The following BMPR2 variants were observed in gnomAD, a reference collection of about 807,000 sequenced individuals.
The protein encoded by BMPR2 is bone morphogenetic protein receptor type 2, also known as bone morphogenetic protein receptor type-2.
BMPR2 carries 29 observed loss-of-function variants against 100.8 expected under a neutral mutation model. The ratio of observed to expected loss-of-function variants is 0.29; its 90% CI spans 0.21 to 0.39. The LOEUF is 0.39. BMPR2 is among the 10% of genes least tolerant of loss of function. The pLI, the probability that BMPR2 is intolerant of heterozygous loss-of-function variation, is 1.00. For missense variants in BMPR2, 1,011 were observed against 1,274.5 expected (o/e 0.79, Z 3.15); for synonymous variants, 382 against 442.3 (o/e 0.86, Z 1.71).
At chr2:202,441,989 C>T (rs955666486) in intron 1 of BMPR2, among the ~76,000 whole-genome samples, 3 of 149,566 alleles carry the variant, frequency 2.0e-5, no homozygotes, top group Non-Finnish European at 4.4e-5. Context: ...GCCGAGATCA[C>T]GCCATTGCAC....
intron 1 of BMPR2, among the ~76,000 whole-genome samples, chr2:202,426,602 C>T (rs532604491): frequency 1.4e-5 from 2 of 144,612 alleles, no homozygotes; most frequent in Admixed American, 1.4e-4. Flanking sequence ...TAAATTTTGG[C>T]TGGGTGTGGT....
intron 1 of BMPR2, among the ~76,000 whole-genome samples, chr2:202,435,496 G>A (rs1691599236): frequency 6.8e-6 from 1 of 146,850 alleles, no homozygotes; most frequent in Admixed American, 6.8e-5. Context: ...TAAACCACAG[G>A]TTAAAAAGTT....
intron 1 of BMPR2, among the ~76,000 whole-genome samples, chr2:202,408,125 G>A (rs1272914603): frequency 6.6e-6 from 1 of 152,130 alleles, no homozygotes; most frequent in African/African-American, 2.4e-5. Context: ...GAGCCACCGT[G>A]CCTGGGCTTT....
At chr2:202,478,274 G>A (rs952124038) in intron 3 of BMPR2, among the ~76,000 whole-genome samples, 1 of 152,152 alleles carries the variant, frequency 6.6e-6, no homozygotes, top group Non-Finnish European at 1.5e-5. Context: ...GGAGAAATAC[G>A]TGTGTGAGGT....
At chr2:202,504,541 C>T (rs1299102563) in intron 3 of BMPR2, among the ~76,000 whole-genome samples, 1 of 152,152 alleles carries the variant, frequency 6.6e-6, no homozygotes, top group East Asian at 1.9e-4. Flanking sequence ...ACCTGAAGAG[C>T]TGTAACACTC....
intron 10 of BMPR2, among the ~76,000 whole-genome samples, chr2:202,542,953 G>A (rs988677436): frequency 2.0e-5 from 3 of 151,834 alleles, no homozygotes; most frequent in African/African-American, 2.4e-5. Flanking sequence ...GAGGCGGGCA[G>A]ATTGCCTGAG....
At chr2:202,469,140 C>T (rs1002158031) in intron 3 of BMPR2, among the ~76,000 whole-genome samples, 5 of 152,154 alleles carry the variant, frequency 3.3e-5, no homozygotes, top group African/African-American at 1.2e-4. Context: ...AAGCGATTCT[C>T]CTGCCTCAGC....
At chr2:202,496,472 G>T (rs1693029713) in intron 3 of BMPR2, among the ~76,000 whole-genome samples, 1 of 151,676 alleles carries the variant, frequency 6.6e-6, no homozygotes, top group South Asian at 2.1e-4. Context: ...GTGAGACCCT[G>T]TCTCAAAAAC....
intron 3 of BMPR2, among the ~76,000 whole-genome samples, chr2:202,469,006 G>A (rs960811420): frequency 1.5e-4 from 23 of 151,654 alleles, no homozygotes; most frequent in African/African-American, 5.3e-4. Context: ...CTTTTTTTTT[G>A]GTTTTTGTTT....
intron 1 of BMPR2, among the ~76,000 whole-genome samples, chr2:202,427,991 C>CAA (rs541122801): frequency 2.6e-3 from 395 of 151,816 alleles, no homozygotes; most frequent in Non-Finnish European, 4.5e-3. Flanking sequence ...CAAAAATAAA[C>CAA]AAACAAACAA....
chr2:202,476,418 G>C (rs1692553440), intron 3 of BMPR2, among the ~76,000 whole-genome samples: 1 of 152,136 alleles, frequency 6.6e-6, no homozygotes, highest in Non-Finnish European at 1.5e-5. Flanking sequence ...TAGAGTCATA[G>C]ATACATGGAA....
At chr2:202,535,765 A>T (rs1449066145) in intron 9 of BMPR2, among the ~76,000 whole-genome samples, 3 of 152,148 alleles carry the variant, frequency 2.0e-5, no homozygotes, top group African/African-American at 7.2e-5. Flanking sequence ...GCGAGCCGAG[A>T]TCACGCCACT....
At chr2:202,470,622 G>A (rs1369986483) in intron 3 of BMPR2, among the ~76,000 whole-genome samples, 1 of 151,718 alleles carries the variant, frequency 6.6e-6, no homozygotes, top group African/African-American at 2.4e-5. Flanking sequence ...AAATTAGCCG[G>A]GCGCGGTGGC....
rs547193217 is a variant in BMPR2 at position 202,472,647 on chromosome 2, T to TC, written c.418+4960dup. Among the ~76,000 whole-genome samples, 576 of 152,194 alleles carry TC rather than the reference T, an allele frequency of 3.8e-3. 3 individuals carry two copies. The highest frequency in any genetic ancestry group is 6.6e-3 in the Non-Finnish European group (446 of 68,006). On this transcript the variant is annotated intron_variant, in intron 3 of 12. Coordinates refer to ENST00000374580, the MANE Select transcript of BMPR2 (RefSeq NM_001204.7). ...GCCCTCTAGCCTGGGCAACAGAGAC[T>TC]CCGTCTCAAAAAGAAAAAGAAAGAG...
chr2:202,483,756 A>C (rs1230194256), intron 3 of BMPR2, among the ~76,000 whole-genome samples: 1 of 152,140 alleles, frequency 6.6e-6, no homozygotes, highest in Non-Finnish European at 1.5e-5. Context: ...GCTGCCTGCA[A>C]GAGGTAATTC....
At chr2:202,493,886 G>A (rs542667349) in intron 3 of BMPR2, among the ~76,000 whole-genome samples, 1 of 151,658 alleles carries the variant, frequency 6.6e-6, no homozygotes, top group African/African-American at 2.4e-5. Context: ...TATTTTTTTT[G>A]TTGTTATTTT....
intron 1 of BMPR2, among the ~76,000 whole-genome samples, chr2:202,446,763 G>A (rs1041558264): frequency 4.7e-5 from 7 of 148,732 alleles, no homozygotes; most frequent in Non-Finnish European, 1.0e-4. Flanking sequence ...TGATTCTTCC[G>A]CCTCAGCCTC....
At chr2:202,499,809 G>A (rs1471028201) in intron 3 of BMPR2, among the ~76,000 whole-genome samples, 1 of 152,156 alleles carries the variant, frequency 6.6e-6, no homozygotes, top group Non-Finnish European at 1.5e-5. Flanking sequence ...GGCCCAAAAG[G>A]AAAAGCGAGA....
At chr2:202,405,737 AC>A (rs1690878277) in intron 1 of BMPR2, among the ~76,000 whole-genome samples, 1 of 150,654 alleles carries the variant, frequency 6.6e-6, no homozygotes, top group Non-Finnish European at 1.5e-5. Flanking sequence ...TGCTAAAGGT[AC>A]TAAAATATAT....
Sources: gnomAD v4.1 joint callset for allele counts (sites outside exome capture counted in the v4.1 genomes callset) on GRCh38, gnomAD v4.1.1 for gene constraint, MANE v1.5 for transcripts, NCBI Gene and HGNC (gene_info 2026-07-23, HGNC 2026-07-21) for gene names.